The following KALRN variants were observed in gnomAD, a reference collection of about 807,000 sequenced individuals.
The protein encoded by KALRN is kalirin.
Under a neutral mutation model 353.7 loss-of-function variants are expected in KALRN, and 70 were observed. The observed-to-expected ratio is 0.20, with a 90% CI of 0.16 to 0.24. The LOEUF (loss-of-function observed/expected upper bound fraction) is 0.24. KALRN is among the 10% of genes least tolerant of loss of function. KALRN has a pLI of 1.00. For synonymous variants in KALRN, 1,391 were observed against 1,434.8 expected, an observed-to-expected ratio of 0.97 and a Z score of 0.69; for missense variants, 2,791 against 3,756.7, an observed-to-expected ratio of 0.74 and a Z score of 6.72.
chr3:124,217,209 CT>C (rs1206878538), intron 1 of KALRN, among the ~76,000 whole-genome samples: 3 of 152,180 alleles, frequency 2.0e-5, no homozygotes, highest in African/African-American at 7.2e-5. Context: ...ATATTGTTTA[CT>C]TTTGTACCCA....
chr3:124,678,124 G>A, intron 49 of KALRN, 66 bp from the exon 50 acceptor site: 3 of 1,580,340 alleles, frequency 1.9e-6, no homozygotes, highest in Admixed American at 3.4e-5. Context: ...CAAGGGTGGT[G>A]AGCCCGCCCT....
chr3:124,313,369 T>C (rs2078478911), intron 6 of KALRN, among the ~76,000 whole-genome samples: 2 of 152,214 alleles, frequency 1.3e-5, no homozygotes. Context: ...GATTGCAAAG[T>C]ACTGCATGTA....
At chr3:124,048,348 A>G (rs1303161753) in intron 1 of KALRN, among the ~76,000 whole-genome samples, 1 of 152,234 alleles carries the variant, frequency 6.6e-6, no homozygotes, top group African/African-American at 2.4e-5. Context: ...CACCTGTTGC[A>G]TATACATCTT....
At chr3:124,299,422 A>G (rs2077091032) in intron 6 of KALRN, among the ~76,000 whole-genome samples, 1 of 152,176 alleles carries the variant, frequency 6.6e-6, no homozygotes, top group Admixed American at 6.5e-5. Context: ...TTTGTTTAGA[A>G]GGCAGAAATG....
intron 10 of KALRN, among the ~76,000 whole-genome samples, chr3:124,365,028 T>C (rs1003872153): frequency 1.1e-4 from 16 of 152,210 alleles, no homozygotes; most frequent in African/African-American, 2.4e-4. Flanking sequence ...CCCTGGTCAC[T>C]CCTTTACCAA....
At chr3:124,404,752 C>T (rs1576634400) in intron 13 of KALRN, among the ~76,000 whole-genome samples, 1 of 148,612 alleles carries the variant, frequency 6.7e-6, no homozygotes, top group South Asian at 2.1e-4. Flanking sequence ...AAAAGTTGGG[C>T]AGGTAAGACA....
At position 124,269,144 on chromosome 3, in the gene KALRN, C is replaced by G; in HGVS notation, c.858C>G (p.Leu286=). 1 of 1,613,426 alleles carries G rather than the reference C, an allele frequency of 6.2e-7. No individual in the cohort carries two copies. The highest frequency in any genetic ancestry group is 8.5e-7 in the Non-Finnish European group (1 of 1,179,836). Residue 286 remains leucine (L), a synonymous_variant, in exon 5 of 60, where the codon CTC becomes CTG. Transcript: ENST00000682506. The part of the protein sequence containing the change: ...FQSLVPKITS[L]LDKLHSTRQH... ...GCCTGGTGCCCAAGATCACCAGTCT[C>G]CTGGACAAGCTGCACTCCACCCGGC...
At position 124,158,514 on chromosome 3, in the gene KALRN, G is replaced by A. The variant is rs556863473; in HGVS notation, c.74-69476G>A. Among the ~76,000 whole-genome samples the A allele has an allele frequency of 2.4e-4, 37 of 152,324 alleles. No homozygotes were observed. In the South Asian group the frequency reaches 6.0e-3, roughly 25 times the overall value. On this transcript the variant is annotated intron_variant, in intron 1 of 59. Coordinates refer to ENST00000682506, the MANE Select transcript of KALRN (RefSeq NM_001388419.1). ...GCCATTGTCCCCAAGAGGCATTCAT[G>A]TGGTGATTTGCAAAACACTGTTGAG...
chr3:124,568,456 A>G (rs976611336), intron 34 of KALRN, among the ~76,000 whole-genome samples: 4 of 152,230 alleles, frequency 2.6e-5, no homozygotes, highest in African/African-American at 9.6e-5. Context: ...ATTCCTCAAA[A>G]AAGTAAAAAT....
chr3:124,672,680 T>G (rs1405648489), intron 48 of KALRN, among the ~76,000 whole-genome samples: 1 of 152,194 alleles, frequency 6.6e-6, no homozygotes, highest in Non-Finnish European at 1.5e-5. Context: ...ATAGACTTAG[T>G]CTACACAGCT....
intron 3 of KALRN, among the ~76,000 whole-genome samples, chr3:124,252,096 T>G (rs978103803): frequency 1.3e-5 from 2 of 152,186 alleles, no homozygotes; most frequent in African/African-American, 4.8e-5. Flanking sequence ...GGTGAGGAAC[T>G]GACAAGGAGT....
chr3:124,071,474 G>C (rs2060017114), intron 1 of KALRN, among the ~76,000 whole-genome samples: 1 of 152,174 alleles, frequency 6.6e-6, no homozygotes, highest in Admixed American at 6.5e-5. Flanking sequence ...CAACCCAAAA[G>C]AGGAGAGCAG....
chr3:124,167,671 G>A (rs995510590), intron 1 of KALRN, among the ~76,000 whole-genome samples: 1 of 152,142 alleles, frequency 6.6e-6, no homozygotes, highest in Non-Finnish European at 1.5e-5. Flanking sequence ...TCTCTTTGTG[G>A]ACACTATCAA....
intron 1 of KALRN, among the ~76,000 whole-genome samples, chr3:124,147,986 T>A (rs990081979): frequency 6.6e-6 from 1 of 152,134 alleles, no homozygotes; most frequent in African/African-American, 2.4e-5. Flanking sequence ...GGGCCTTTAG[T>A]GAGGAAGAAG....
intron 48 of KALRN, among the ~76,000 whole-genome samples, chr3:124,674,100 C>T (rs994592807): frequency 1.2e-4 from 19 of 152,224 alleles, no homozygotes; most frequent in Middle Eastern, 6.8e-3. Context: ...TGGGAAGGGG[C>T]TTCCAGGTCA....
At chr3:124,491,187 A>G (rs537393675) in intron 30 of KALRN, 136 bp from the exon 31 acceptor site, 9 of 596,282 alleles carry the variant, frequency 1.5e-5, no homozygotes, top group South Asian at 2.4e-5. Flanking sequence ...CAGAATATCC[A>G]ATCTGTTAAA....
At chr3:124,159,890 A>G (rs1268003710) in intron 1 of KALRN, among the ~76,000 whole-genome samples, 1 of 151,994 alleles carries the variant, frequency 6.6e-6, no homozygotes, top group African/African-American at 2.4e-5. Flanking sequence ...GGGAGATGGA[A>G]GCAGGATTCT....
At chr3:124,559,346 T>C (rs1044729449) in intron 33 of KALRN, among the ~76,000 whole-genome samples, 2 of 152,112 alleles carry the variant, frequency 1.3e-5, no homozygotes, top group African/African-American at 4.8e-5. Context: ...AGGAGTTGGA[T>C]GGTGACTCAG....
At chr3:124,579,212 C>T (rs926941901) in intron 34 of KALRN, among the ~76,000 whole-genome samples, 10 of 152,100 alleles carry the variant, frequency 6.6e-5, no homozygotes, top group Admixed American at 5.9e-4. Flanking sequence ...CACACTGGTG[C>T]CTGATGTCAG....
Sources: allele counts gnomAD v4.1 joint callset (sites outside exome capture counted in the v4.1 genomes callset), GRCh38; gene constraint gnomAD v4.1.1; transcripts MANE v1.5; gene names NCBI Gene and HGNC (gene_info 2026-07-23, HGNC 2026-07-21).